Variants in UFSP2 observed in about 807,000 individuals in gnomAD.
UFSP2 encodes the protein UFM1 specific peptidase 2.
Under a neutral mutation model 60.2 loss-of-function variants are expected in UFSP2, and 43 were observed. The observed-to-expected ratio is 0.71, with a 90% CI of 0.56 to 0.92. UFSP2 has a LOEUF of 0.92. UFSP2 is among the 40% of genes least tolerant of loss of function. The pLI, the probability that UFSP2 is intolerant of heterozygous loss-of-function variation, is 0.00. For missense variants in UFSP2, 520 were observed against 575.0 expected, an observed-to-expected ratio of 0.90 and a Z score of 0.98; for synonymous variants, 183 against 195.1, an observed-to-expected ratio of 0.94 and a Z score of 0.52.
In UFSP2 at chr4:185,415,799, A is replaced by C. The variant is rs147049967; in HGVS notation, c.402T>G (p.Ile134Met). ...AATGGTGTCCTCCGCTTTCCCTTTCAATGATGGGCGTTACAGCTGCCAGGG... is the reference window on the plus strand; with the variant it reads ...AATGGTGTCCTCCGCTTTCCCTTTCCATGATGGGCGTTACAGCTGCCAGGG... ...STSLAAVTPI[I>M]ERESGGHHYV... Residue 134 changes from isoleucine (I) to methionine (M), a missense_variant, in exon 5 of 12, where the codon ATT becomes ATG. Physicochemically the swap from Ile to Met is conservative, Grantham distance 10 (BLOSUM62 1). Coordinates refer to ENST00000264689, the MANE Select transcript of UFSP2 (RefSeq NM_018359.5). The C allele has an allele frequency of 3.5e-5, 57 of 1,613,654 alleles. No homozygotes were observed. The highest frequency in any genetic ancestry group is 1.6e-4 in the Middle Eastern group (1 of 6,084).
chr4:185,414,767 A>C (rs1206705287), intron 6 of UFSP2, among the ~76,000 whole-genome samples: 1 of 152,200 alleles, frequency 6.6e-6, no homozygotes, highest in Non-Finnish European at 1.5e-5. Flanking sequence ...AATTAGCATA[A>C]GTTATCATTT....
intron 1 of UFSP2, among the ~76,000 whole-genome samples, chr4:185,423,102 G>C (rs1224127051): frequency 6.6e-6 from 1 of 152,146 alleles, no homozygotes; most frequent in African/African-American, 2.4e-5. Context: ...CAAGTGATCC[G>C]CCTGTCTCGG....
intron 7 of UFSP2, among the ~76,000 whole-genome samples, chr4:185,412,069 AGTTTTGCTTC>A (rs1393226859): frequency 6.7e-6 from 1 of 149,512 alleles, no homozygotes; most frequent in African/African-American, 2.5e-5. Flanking sequence ...AGACTGGTAA[AGTTTTGCTTC>A]TTAAATTAGG....
At chr4:185,405,683 T>G in intron 10 of UFSP2, 97 bp downstream of exon 10, 1 of 1,398,200 alleles carries the variant, frequency 7.2e-7, no homozygotes, top group South Asian at 1.3e-5. Context: ...TTCAAAATTT[T>G]TTAAATGACT....
chr4:185,409,483 C>T (rs1026816859), intron 7 of UFSP2, among the ~76,000 whole-genome samples: 22 of 152,052 alleles, frequency 1.4e-4, no homozygotes, highest in Non-Finnish European at 3.2e-4. Context: ...CACCACCATG[C>T]CTGGCTCCAA....
In UFSP2 at chr4:185,400,135, CTT is replaced by C. The variant is rs1305867410; in HGVS notation, c.*255_*256del. The C allele has an allele frequency of 2.0e-6, 2 of 983,264 alleles. No individual in the cohort carries two copies. Among genetic ancestry groups the C allele is most frequent in the African/African-American group, 3.3e-5 (2 of 60,498 alleles). The allele number at this position is 983,264 out of a possible 1,614,324, so 60.9% of individuals were successfully genotyped here. A position where few individuals can be genotyped will look rare whatever the true frequency, so the allele number is the denominator to read the frequency against. ...ATCTCCTTCTGAGAAGGACGAAAAA[CTT>C]TCTTCCAAGTGAAGATCCATTTAAG... On this transcript the variant is annotated 3_prime_UTR_variant, in exon 12 of 12. Coordinates refer to ENST00000264689, the MANE Select transcript of UFSP2 (RefSeq NM_018359.5).
chr4:185,401,517 G>A (rs1041671231), intron 11 of UFSP2, among the ~76,000 whole-genome samples: 2 of 152,154 alleles, frequency 1.3e-5, no homozygotes, highest in South Asian at 2.1e-4. Context: ...ATTGCATAGG[G>A]ACATAGTGCA....
At chr4:185,419,303 TG>T (rs1311350777) in intron 2 of UFSP2, among the ~76,000 whole-genome samples, 1 of 152,180 alleles carries the variant, frequency 6.6e-6, no homozygotes, top group African/African-American at 2.4e-5. Flanking sequence ...GGCTAATTTT[TG>T]TATTTTTAGT....
rs754535229 is a variant in UFSP2, at chr4:185,399,716, T to G, written c.*676A>C. 1.9e-6 allele frequency: 3 copies of G among 1,614,170 alleles called. No individual in the cohort carries two copies. Among genetic ancestry groups the G allele is most frequent in the Non-Finnish European group, 8.5e-7 (1 of 1,180,028 alleles). On this transcript the variant is annotated 3_prime_UTR_variant, in exon 12 of 12. Transcript: ENST00000264689. ...GACAGGAATGATTGTGTTGCCGTGCTCAGACAGAAACGGAGTCTCGGAAGT... is the reference window on the plus strand; with the variant it reads ...GACAGGAATGATTGTGTTGCCGTGCGCAGACAGAAACGGAGTCTCGGAAGT...
At chr4:185,417,828 G>A (rs1291320092) in intron 4 of UFSP2, among the ~76,000 whole-genome samples, 1 of 152,100 alleles carries the variant, frequency 6.6e-6, no homozygotes, top group African/African-American at 2.4e-5. Flanking sequence ...TGGATCGCCC[G>A]AGGTCAGGAG....
At chr4:185,425,811 G>C in intron 1 of UFSP2, 55 bp downstream of exon 1, 1 of 1,584,464 alleles carries the variant, frequency 6.3e-7, no homozygotes, top group Non-Finnish European at 8.6e-7. Context: ...CGCTCGTGGC[G>C]GCTGCCAAAG....
At chr4:185,422,717 AAAAC>A (rs1439149324) in intron 1 of UFSP2, among the ~76,000 whole-genome samples, 154 bp from the exon 2 acceptor site, 2 of 152,352 alleles carry the variant, frequency 1.3e-5, no homozygotes, top group East Asian at 1.9e-4. Context: ...AGAAAAAACA[AAAAC>A]AAAAGCAACC....
rs571550496 is a variant in UFSP2, at chr4:185,399,876, T to G, written c.*516A>C. On this transcript the variant is annotated 3_prime_UTR_variant, in exon 12 of 12. Coordinates refer to ENST00000264689, the MANE Select transcript of UFSP2 (RefSeq NM_018359.5). ...ACTGACACTCGTATTTCTAGTAGTA[T>G]TGTTTCATTCTCATTAACATTTTAG... The G allele has an allele frequency of 2.8e-5, 43 of 1,551,262 alleles. No individual in the cohort carries two copies. The highest frequency in any genetic ancestry group is 2.5e-4 in the African/African-American group (18 of 72,952).
Position 185,399,712 on chromosome 4 carries a change from G to A in UFSP2, c.*680C>T, listed in dbSNP as rs753768304. 5.0e-6 allele frequency: 8 copies of A among 1,614,026 alleles called. No homozygotes were observed. The highest frequency in any genetic ancestry group is 1.3e-5 in the African/African-American group (1 of 74,934). Reference sequence around the variant, plus strand: ...CCCTGACAGGAATGATTGTGTTGCCGTGCTCAGACAGAAACGGAGTCTCGG... The same window carrying A: ...CCCTGACAGGAATGATTGTGTTGCCATGCTCAGACAGAAACGGAGTCTCGG... On this transcript the variant is annotated 3_prime_UTR_variant, in exon 12 of 12. Transcript: ENST00000264689.
At chr4:185,412,779 C>T (rs1181113594) in intron 7 of UFSP2, among the ~76,000 whole-genome samples, 1 of 152,092 alleles carries the variant, frequency 6.6e-6, no homozygotes, top group Non-Finnish European at 1.5e-5. Context: ...TTGAGAGAGA[C>T]TGAAGACACC....
At chr4:185,409,165 G>A (rs2095525075) in intron 7 of UFSP2, among the ~76,000 whole-genome samples, 1 of 152,012 alleles carries the variant, frequency 6.6e-6, no homozygotes, top group Non-Finnish European at 1.5e-5. Context: ...AACAAATGAA[G>A]GGTCCATATC....
At chr4:185,425,124 T>C (rs529527631) in intron 1 of UFSP2, among the ~76,000 whole-genome samples, 8 of 152,170 alleles carry the variant, frequency 5.3e-5, no homozygotes, top group Non-Finnish European at 1.2e-4. Context: ...GTAGCATCTA[T>C]AGGACTTGAT....
chr4:185,414,452 T>C (rs1369913931), intron 6 of UFSP2, among the ~76,000 whole-genome samples: 1 of 152,200 alleles, frequency 6.6e-6, no homozygotes, highest in East Asian at 1.9e-4. Context: ...ACATGTTCTT[T>C]ATCATATCTT....
intron 4 of UFSP2, among the ~76,000 whole-genome samples, chr4:185,417,556 G>C (rs1308634511): frequency 6.6e-6 from 1 of 152,002 alleles, no homozygotes; most frequent in Admixed American, 6.6e-5. Flanking sequence ...GGTTTAGTTA[G>C]GCCTCTTCTA....
Sources: gnomAD v4.1 joint callset for allele counts (sites outside exome capture counted in the v4.1 genomes callset) on GRCh38, gnomAD v4.1.1 for gene constraint, MANE v1.5 for transcripts, NCBI Gene and HGNC (gene_info 2026-07-23, HGNC 2026-07-21) for gene names.